Variants in STOML3 observed in about 807,000 individuals in gnomAD.
STOML3 encodes stomatin-like protein 3.
STOML3 carries 31 observed loss-of-function variants against 29.5 expected under a neutral mutation model. That is an observed-to-expected ratio of 1.05 (90% CI 0.79 to 1.42). STOML3 has a LOEUF of 1.42. Among genes scored for constraint, STOML3 ranks in the 40% most tolerant of loss-of-function variants. The pLI is 0.00. For synonymous variants in STOML3, 122 were observed against 139.8 expected (o/e 0.87, Z 0.90); for missense variants, 380 against 363.0 (o/e 1.05, Z -0.38).
chr13:38,990,807 T>TGGGAGAG lies in STOML3; in HGVS notation c.-93_-87dup, dbSNP rs1868975683. On this transcript the variant is annotated 5_prime_UTR_variant, in exon 1 of 7. Coordinates refer to ENST00000379631, the MANE Select transcript of STOML3 (RefSeq NM_145286.3). ...GAACAGGCAGCAACTCAGATGTGCT[T>TGGGAGAG]GGGAGAGGGGAGAGGAGAAAGTATG... 1 of 1,268,656 alleles carries TGGGAGAG rather than the reference T, an allele frequency of 7.9e-7. No homozygotes were observed. Among genetic ancestry groups the TGGGAGAG allele is most frequent in the South Asian group, 1.3e-5 (1 of 79,218 alleles). 78.6% of individuals were successfully genotyped at this position (1,268,656 alleles called of 1,614,324 possible).
chr13:38,966,091 G>C lies in STOML3; in HGVS notation c.*734C>G, dbSNP rs41286137. ...GAAATCCCCAGGGTGATGCTCCTCA[G>C]TGGTTTCAACCAATGCAACCTTTCC... On this transcript the variant is annotated 3_prime_UTR_variant, in exon 7 of 7. Transcript: ENST00000379631. The C allele has an allele frequency of 0.19, 29,193 of 152,170 alleles. 3,129 individuals carry two copies. The highest frequency in any genetic ancestry group is 0.36 in the Middle Eastern group (105 of 294). The allele number at this position is 152,170 out of a possible 1,614,324, so 9.4% of individuals were successfully genotyped here.
At position 38,966,914 on chromosome 13, in the gene STOML3, T is replaced by C. The variant is rs767655058; in HGVS notation, c.787A>G (p.Thr263Ala). 1 of 1,614,016 alleles carries C rather than the reference T, an allele frequency of 6.2e-7. No homozygotes were observed. The highest frequency in any genetic ancestry group is 1.1e-5 in the South Asian group (1 of 91,058). ...TTCATGGGCAGAGGAAACACAATCGTAGAATTCTTCTCGGTGGCTACCGTG... is the reference window on the plus strand; with the variant it reads ...TTCATGGGCAGAGGAAACACAATCGCAGAATTCTTCTCGGTGGCTACCGTG... ...LSTVATEKNS[T>A]IVFPLPMNIL... The change falls in exon 7 of 7, where the codon ACG becomes GCG. Residue 263 changes from threonine to alanine, a missense_variant. Coordinates refer to ENST00000379631, the MANE Select transcript of STOML3 (RefSeq NM_145286.3).
intron 1 of STOML3, among the ~76,000 whole-genome samples, chr13:38,987,866 T>C (rs1868667356): frequency 1.2e-5 from 1 of 84,916 alleles, no homozygotes; most frequent in South Asian, 3.5e-4. Context: ...ATATGTTATA[T>C]ATAATATATT....
intron 1 of STOML3, among the ~76,000 whole-genome samples, chr13:38,985,889 C>CTTTTTT (rs200028643): frequency 9.8e-5 from 6 of 61,362 alleles, no homozygotes; most frequent in Non-Finnish European, 1.2e-4. Context: ...GTGGCTATTT[C>CTTTTTT]TTTTTTTTTT....
Position 38,990,708 on chromosome 13 carries a change from A to T in STOML3, c.14T>A (p.Val5Glu). ...TTTATCTTGCTTCTCAGGTGAAGACACCCTAGAATCCATCTCATTCTTGAG... is the reference window on the plus strand; with the variant it reads ...TTTATCTTGCTTCTCAGGTGAAGACTCCCTAGAATCCATCTCATTCTTGAG... MDSR[V>E]SSPEKQDKEN... The change falls in exon 1 of 7, where the codon GTG (valine) becomes GAG (glutamate). Residue 5 changes from valine to glutamate, a missense_variant. By Grantham distance (121) the Val-to-Glu change is moderately radical (BLOSUM62 -2). Coordinates refer to ENST00000379631, the MANE Select transcript of STOML3 (RefSeq NM_145286.3). 6.2e-7 allele frequency: 1 copy of T among 1,613,934 alleles called. No homozygotes were observed. Among genetic ancestry groups the T allele is most frequent in the African/African-American group, 1.3e-5 (1 of 75,036 alleles).
rs556122766 is a variant in STOML3, at chr13:38,988,624, ATATAT to A, written c.52+2041_52+2045del. ...TTATATATCATATATTTTATATATA[ATATAT>A]TATATTTTATATCATATATTTTATA... On this transcript the variant is annotated intron_variant, in intron 1 of 6. Coordinates refer to ENST00000379631, the MANE Select transcript of STOML3 (RefSeq NM_145286.3). Among the ~76,000 whole-genome samples the A allele has an allele frequency of 1.3e-3, 169 of 125,672 alleles. 6 individuals carry two copies. In the East Asian group the frequency reaches 0.031, roughly 23 times the overall value. 82.4% of individuals were successfully genotyped at this position (125,672 alleles called of 152,430 possible).
chr13:38,980,893 T>C (rs767327014), intron 1 of STOML3, among the ~76,000 whole-genome samples: 2 of 152,210 alleles, frequency 1.3e-5, no homozygotes, highest in Non-Finnish European at 2.9e-5. Flanking sequence ...GATACTAGGT[T>C]AATTACTCTG....
At position 38,968,489 on chromosome 13, in the gene STOML3, G is replaced by A. The variant is rs202188494; in HGVS notation, c.562C>T (p.Arg188Ter). 16 of 1,614,066 alleles carry A rather than the reference G, an allele frequency of 9.9e-6. No homozygotes were observed. In the Middle Eastern group the frequency reaches 1.2e-3, roughly 117 times the overall value. ...ATCCGAACATCTTTGATTTCCACTC[G>A]GGCCACCCGGATCCCCCACAGTTCG... ...ATELWGIRVARVEIKDVRIPV... is the reference protein window; with the variant it reads ...ATELWGIRVA Residue 188 changes from arginine to a stop codon, truncating the protein, a stop_gained, in exon 6 of 7, where the codon CGA (arginine) becomes TGA (stop). Transcript: ENST00000379631. LOFTEE classifies it high-confidence loss of function.
chr13:38,966,713 T>C lies in STOML3; in HGVS notation c.*112A>G. The stretch of plus-strand genomic sequence containing the variant: ...TTTCCTGCCAATGCTCTTCCATCTA[T>C]GGAGTTACTGTTACATGAACAGTGT... On this transcript the variant is annotated 3_prime_UTR_variant, in exon 7 of 7. Transcript: ENST00000379631. 1.1e-6 allele frequency: 1 copy of C among 906,108 alleles called. No homozygotes were observed. Among genetic ancestry groups the C allele is most frequent in the Non-Finnish European group, 1.7e-6 (1 of 576,822 alleles). The allele number at this position is 906,108 out of a possible 1,614,324, so 56.1% of individuals were successfully genotyped here. A position where few individuals can be genotyped will look rare whatever the true frequency, so the allele number is the denominator to read the frequency against.
In STOML3 at chr13:38,970,258, A is replaced by G; in HGVS notation, c.443T>C (p.Leu148Pro). 1.2e-6 allele frequency: 2 copies of G among 1,614,134 alleles called. No homozygotes were observed. The highest frequency in any genetic ancestry group is 4.5e-5 in the East Asian group (2 of 44,884). Residue 148 changes from leucine (L) to proline (P), a missense_variant, in exon 5 of 7, where the codon CTG becomes CCG. Coordinates refer to ENST00000379631, the MANE Select transcript of STOML3 (RefSeq NM_145286.3). ...QATFLLAQTT[L>P]RNVLGTQTLS... ...GGTCTGTGTCCCTAAGACATTTCTC[A>G]GAGTGGTTTGAGCCAGCAGAAATGT...
chr13:38,984,593 G>C (rs904375291), intron 1 of STOML3, among the ~76,000 whole-genome samples: 5 of 152,150 alleles, frequency 3.3e-5, no homozygotes, highest in South Asian at 4.1e-4. Context: ...ACAGTGACAT[G>C]CTGTACAGGT....
At chr13:38,971,544 T>A (rs1378980497) in intron 4 of STOML3, among the ~76,000 whole-genome samples, 1 of 152,034 alleles carries the variant, frequency 6.6e-6, no homozygotes, top group African/African-American at 2.4e-5. Flanking sequence ...TATGAGAGGG[T>A]GATATGATAA....
chr13:38,976,630 A>G lies in STOML3; in HGVS notation c.157-18T>C, dbSNP rs867755905. 1.2e-6 allele frequency: 2 copies of G among 1,614,174 alleles called. No homozygotes were observed. The highest frequency in any genetic ancestry group is 1.3e-5 in the African/African-American group (1 of 75,054). ...TTAATGATCTAGGAGATTAAGGGCG[A>G]ACGTTTAGTCCTAATGGTTTGTCAG... is the stretch of plus-strand genomic sequence containing the variant. On this transcript the variant is annotated intron_variant, in intron 2 of 6. Transcript: ENST00000379631.
At chr13:38,988,601 A>ATTTT (rs1555283058) in intron 1 of STOML3, among the ~76,000 whole-genome samples, 23 of 23,424 alleles carry the variant, frequency 9.8e-4, no homozygotes, top group African/African-American at 3.7e-3. Context: ...ATAATATATT[A>ATTTT]TATATCATAT....
rs1318745872 is a variant in STOML3, at chr13:38,987,897, TG to T, written c.52+2772del. On this transcript the variant is annotated intron_variant, in intron 1 of 6. Transcript: ENST00000379631. The stretch of plus-strand genomic sequence containing the variant: ...ATATTATATTTTATATAATATATTA[TG>T]TTATATATAATATATTATATTTTAT... Among the ~76,000 whole-genome samples the T allele has an allele frequency of 1.5e-4, 12 of 78,832 alleles. 1 individual carries two copies. The highest frequency in any genetic ancestry group is 2.2e-4 in the Non-Finnish European group (11 of 49,608). 51.7% of individuals were successfully genotyped at this position (78,832 alleles called of 152,430 possible).
intron 1 of STOML3, among the ~76,000 whole-genome samples, chr13:38,977,031 A>T (rs990809585): frequency 1.3e-5 from 2 of 152,222 alleles, no homozygotes; most frequent in Admixed American, 1.3e-4. Flanking sequence ...ATATCATAAC[A>T]ATAAACAGAA....
At chr13:38,989,781 C>T (rs987332724) in intron 1 of STOML3, among the ~76,000 whole-genome samples, 22 of 152,116 alleles carry the variant, frequency 1.4e-4, no homozygotes, top group Non-Finnish European at 2.9e-4. Flanking sequence ...ACAGGGCATG[C>T]ACCAGTGCAT....
rs749071041 is a variant in STOML3, at chr13:38,976,657, T to G, written c.156+37A>C. 4 of 1,613,868 alleles carry G rather than the reference T, an allele frequency of 2.5e-6. No homozygotes were observed. In the South Asian group the frequency reaches 4.4e-5, roughly 18 times the overall value. ...CGTTTAGTCCTAATGGTTTGTCAGT[T>G]CATATAGATAGCCCAGTTTATTTCC... On this transcript the variant is annotated intron_variant, in intron 2 of 6. Transcript: ENST00000379631.
At chr13:38,989,515 C>A (rs1222077382) in intron 1 of STOML3, among the ~76,000 whole-genome samples, 1 of 145,358 alleles carries the variant, frequency 6.9e-6, no homozygotes, top group South Asian at 2.2e-4. Flanking sequence ...ATTTTTTTTT[C>A]TTTGTTAGGC....
Sources: gnomAD v4.1 joint callset for allele counts (sites outside exome capture counted in the v4.1 genomes callset) on GRCh38, gnomAD v4.1.1 for gene constraint, MANE v1.5 for transcripts, NCBI Gene and HGNC (gene_info 2026-07-23, HGNC 2026-07-21) for gene names.